Variants in XDH observed in about 807,000 individuals in gnomAD.
The protein encoded by XDH is xanthine dehydrogenase, also known as xanthine dehydrogenase/oxidase.
XDH carries 138 observed loss-of-function variants against 156.1 expected under a neutral mutation model. That is an observed-to-expected ratio of 0.88 (90% CI 0.77 to 1.02). The LOEUF (loss-of-function observed/expected upper bound fraction) is 1.02, where lower values mean the gene tolerates loss of function less well. XDH is among the 50% of genes least tolerant of loss of function. The pLI is 0.00. For synonymous variants in XDH, 669 were observed against 625.7 expected (o/e 1.07, Z -1.03); for missense variants, 1,849 against 1,684.9 (o/e 1.10, Z -1.71).
intron 1 of XDH, among the ~76,000 whole-genome samples, chr2:31,412,161 C>T (rs1159873566): frequency 6.6e-6 from 1 of 152,100 alleles, no homozygotes; most frequent in East Asian, 1.9e-4. Flanking sequence ...AAAAGGCTGT[C>T]ATTACAATAA....
intron 28 of XDH, 119 bp from the exon 29 acceptor site, chr2:31,347,769 T>G: frequency 7.6e-7 from 1 of 1,314,170 alleles, no homozygotes; most frequent in Non-Finnish European, 1.1e-6. Flanking sequence ...TCGTAAACTC[T>G]AATCTCATTG....
chr2:31,356,699 T>A (rs1290385222), intron 24 of XDH, among the ~76,000 whole-genome samples: 1 of 152,222 alleles, frequency 6.6e-6, no homozygotes, highest in Admixed American at 6.5e-5. Flanking sequence ...TGTTCGTTAT[T>A]TTAAGCCACC....
chr2:31,403,017 T>G (rs779105503), intron 3 of XDH, 31 bp downstream of exon 3: 12 of 1,611,344 alleles, frequency 7.4e-6, no homozygotes, highest in Middle Eastern at 1.6e-4. Flanking sequence ...GCAGCCCCCA[T>G]GTGGGTGGTC....
chr2:31,396,881 C>T (rs983323960), intron 6 of XDH, among the ~76,000 whole-genome samples: 13 of 152,148 alleles, frequency 8.5e-5, no homozygotes, highest in African/African-American at 2.9e-4. Flanking sequence ...TTGGATTATA[C>T]GATTATACAG....
chr2:31,387,903 G>C lies in XDH; in HGVS notation c.565-6C>G. ...AAAGATGGCGAGAGGCTGACCTATG[G>C]GGAAAGAGAACAGGTAGGTGATGCA... On this transcript the variant is annotated splice_polypyrimidine_tract_variant and splice_region_variant and intron_variant, in intron 7 of 35. Coordinates refer to ENST00000379416, the MANE Select transcript of XDH (RefSeq NM_000379.4). 1 of 1,574,624 alleles carries C rather than the reference G, an allele frequency of 6.4e-7. No homozygotes were observed. Among genetic ancestry groups the C allele is most frequent in the Non-Finnish European group, 8.6e-7 (1 of 1,159,958 alleles).
intron 1 of XDH, among the ~76,000 whole-genome samples, chr2:31,406,637 C>T (rs1400046446): frequency 1.3e-5 from 2 of 152,220 alleles, no homozygotes; most frequent in East Asian, 3.8e-4. Context: ...GCAGGCATTG[C>T]ACCTTCCACG....
intron 31 of XDH, among the ~76,000 whole-genome samples, chr2:31,343,258 G>A (rs169596): frequency 0.47 from 60,115 of 129,248 alleles, 14,263 homozygotes; most frequent in Admixed American, 0.59. Context: ...TAAAAACCTA[G>A]AAAGCATTGG....
intron 24 of XDH, among the ~76,000 whole-genome samples, chr2:31,353,033 T>C (rs1362143498): frequency 6.6e-6 from 1 of 151,148 alleles, no homozygotes; most frequent in Non-Finnish European, 1.5e-5. Context: ...CTCTTTTTTT[T>C]TTTTTTTCAA....
In XDH at chr2:31,373,880, A is replaced by G. The variant is rs745668031; in HGVS notation, c.1679T>C (p.Leu560Pro). Reference sequence around the variant, plus strand: ...TACACTGACCGTACTCACTTGGAAGAGCTGGACATCGGCTGGGGGGTCTTT... The same window carrying G: ...TACACTGACCGTACTCACTTGGAAGGGCTGGACATCGGCTGGGGGGTCTTT... ...FQKDPPADVQ[L>P]FQEVPKGQSE... Residue 560 changes from leucine to proline, a missense_variant, in exon 16 of 36, where the codon CTC becomes CCC. By Grantham distance (98) the Leu-to-Pro change is moderately conservative (BLOSUM62 -3). Coordinates refer to ENST00000379416, the MANE Select transcript of XDH (RefSeq NM_000379.4). The G allele has an allele frequency of 5.0e-6, 8 of 1,613,862 alleles. No homozygotes were observed. The highest frequency in any genetic ancestry group is 2.7e-5 in the African/African-American group (2 of 75,046).
chr2:31,358,618 A>G (rs1485054515), intron 24 of XDH, among the ~76,000 whole-genome samples: 3 of 152,168 alleles, frequency 2.0e-5, no homozygotes, highest in African/African-American at 7.2e-5. Flanking sequence ...AAATCAATGA[A>G]TACAATCCAC....
chr2:31,338,291 T>A (rs1236263756), intron 34 of XDH, among the ~76,000 whole-genome samples: 1 of 152,202 alleles, frequency 6.6e-6, no homozygotes, highest in Non-Finnish European at 1.5e-5. Flanking sequence ...AAACATTTTC[T>A]AGCATAGGTT....
intron 26 of XDH, 35 bp from the exon 27 acceptor site, chr2:31,349,015 C>T (rs1685379556): frequency 2.5e-6 from 4 of 1,584,216 alleles, no homozygotes; most frequent in African/African-American, 1.3e-5. Context: ...AGAACCTTCG[C>T]TATCATATTG....
At position 31,349,747 on chromosome 2, in the gene XDH, C is replaced by T. The variant is rs774689271; in HGVS notation, c.2908G>A (p.Glu970Lys). ...TACTGAGAGCTTGCTAGGCATTCTT[C>T]CCAGCATCTGGGCAAGGTGAAACCC... is the stretch of plus-strand genomic sequence containing the variant. ...LEGFTLPRCW[E>K]ECLASSQYHA... The change falls in exon 26 of 36, where the codon GAA (glutamate) becomes AAA (lysine). Residue 970 changes from glutamate (E) to lysine (K), a missense_variant. Transcript: ENST00000379416. 6.2e-7 allele frequency: 1 copy of T among 1,614,228 alleles called. No individual in the cohort carries two copies. Among genetic ancestry groups the T allele is most frequent in the Non-Finnish European group, 8.5e-7 (1 of 1,180,054 alleles).
chr2:31,350,719 A>C (rs1039331317), intron 24 of XDH, among the ~76,000 whole-genome samples: 1 of 151,962 alleles, frequency 6.6e-6, no homozygotes, highest in Non-Finnish European at 1.5e-5. Flanking sequence ...TCATTCAGCA[A>C]CTCTGTGGAG....
At chr2:31,377,308 A>AT in intron 13 of XDH, 71 bp from the exon 14 acceptor site, 2 of 1,571,304 alleles carry the variant, frequency 1.3e-6, no homozygotes, top group African/African-American at 2.7e-5. Flanking sequence ...GACCCAAACC[A>AT]CAGGGCTATG....
chr2:31,365,531 C>G lies in XDH; in HGVS notation c.2470G>C (p.Val824Leu), dbSNP rs1354649482. 2 of 1,614,038 alleles carry G rather than the reference C, an allele frequency of 1.2e-6. No homozygotes were observed. The highest frequency in any genetic ancestry group is 2.7e-5 in the African/African-American group (2 of 74,924). ...TCATCACGGTCCAGCATGCATCGCA[C>G]AGGGCGGCCGGTCCTGGGGGTTACC... The part of the protein sequence containing the change: ...ALAAYKTGRP[V>L]RCMLDRDEDM... Residue 824 changes from valine (V) to leucine (L), a missense_variant, in exon 23 of 36, where the codon GTG (valine) becomes CTG (leucine). Val to Leu is a conservative substitution (Grantham distance 32). Coordinates refer to ENST00000379416, the MANE Select transcript of XDH (RefSeq NM_000379.4).
intron 6 of XDH, among the ~76,000 whole-genome samples, chr2:31,391,445 T>C (rs777219297): frequency 3.3e-5 from 5 of 152,154 alleles, no homozygotes; most frequent in Non-Finnish European, 7.4e-5. Context: ...TCCTCTGACT[T>C]TGTTCTCTAT....
chr2:31,403,207 A>T (rs999807885), intron 2 of XDH, 63 bp from the exon 3 acceptor site: 1 of 1,568,478 alleles, frequency 6.4e-7, no homozygotes, highest in African/African-American at 1.3e-5. Context: ...TTGCTAGGAA[A>T]TGCCTGGGCA....
At chr2:31,347,497 C>T (rs939404134) in intron 29 of XDH, 25 bp downstream of exon 29, 1 of 1,612,994 alleles carries the variant, frequency 6.2e-7, no homozygotes, top group Non-Finnish European at 8.5e-7. Context: ...GCCCTCTGCT[C>T]TGCGGGATCC....
Sources: allele counts gnomAD v4.1 joint callset (sites outside exome capture counted in the v4.1 genomes callset), GRCh38; gene constraint gnomAD v4.1.1; transcripts MANE v1.5; gene names NCBI Gene and HGNC (gene_info 2026-07-23, HGNC 2026-07-21).